ZSWIM6: variants seen among roughly 807,000 people sequenced by gnomAD.
The protein encoded by ZSWIM6 is zinc finger SWIM-type containing 6.
A neutral mutation model predicts 113.2 loss-of-function variants in ZSWIM6; 9 were observed. That is an observed-to-expected ratio of 0.08 (90% confidence interval 0.05 to 0.14). The LOEUF (loss-of-function observed/expected upper bound fraction) is 0.14, where lower values mean the gene tolerates loss of function less well. Among genes scored for constraint, ZSWIM6 ranks in the 10% least tolerant of loss-of-function variants. The probability of loss-of-function intolerance (pLI) is 1.00; values close to 1 mark genes in which losing one functional copy is unlikely to be tolerated. For synonymous variants in ZSWIM6, 611 were observed against 606.5 expected (o/e 1.01, Z -0.11); for missense variants, 1,162 against 1,552.2 (o/e 0.75, Z 4.22).
intron 1 of ZSWIM6, chr5:61,375,445 T>G: frequency 6.5e-7 from 1 of 1,529,950 alleles, no homozygotes; most frequent in Non-Finnish European, 8.9e-7. Context: ...TTCATCAAGC[T>G]CTGATTCTTC....
At chr5:61,506,461 T>C (rs1454697820) in intron 4 of ZSWIM6, among the ~76,000 whole-genome samples, 1 of 151,852 alleles carries the variant, frequency 6.6e-6, no homozygotes, top group Non-Finnish European at 1.5e-5. Flanking sequence ...CGCACACTTG[T>C]AATCCCGGCT....
At chr5:61,338,900 T>C (rs1385227560) in intron 1 of ZSWIM6, among the ~76,000 whole-genome samples, 1 of 152,220 alleles carries the variant, frequency 6.6e-6, no homozygotes, top group Non-Finnish European at 1.5e-5. Context: ...GAACATGTCC[T>C]TTAATAGAAT....
At chr5:61,530,769 C>T (rs1387331520) in intron 8 of ZSWIM6, among the ~76,000 whole-genome samples, 2 of 152,152 alleles carry the variant, frequency 1.3e-5, no homozygotes, top group South Asian at 2.1e-4. Context: ...CAGGGAGTAA[C>T]GATGTCCCTT....
intron 1 of ZSWIM6, among the ~76,000 whole-genome samples, chr5:61,443,300 AATAATC>A (rs1746876089): frequency 6.6e-6 from 1 of 152,234 alleles, no homozygotes; most frequent in African/African-American, 2.4e-5. Flanking sequence ...AATTTAGCAT[AATAATC>A]ATAATCATTA....
chr5:61,381,856 G>A (rs1272198808), intron 1 of ZSWIM6, among the ~76,000 whole-genome samples: 2 of 152,114 alleles, frequency 1.3e-5, no homozygotes, highest in African/African-American at 2.4e-5. Context: ...AATACAATCC[G>A]TTCAAAACAA....
chr5:61,479,223 C>T (rs1747793632), intron 2 of ZSWIM6, among the ~76,000 whole-genome samples: 1 of 151,014 alleles, frequency 6.6e-6, no homozygotes, highest in Non-Finnish European at 1.5e-5. Flanking sequence ...TGATCATGTA[C>T]AGGGGATCCT....
intron 1 of ZSWIM6, among the ~76,000 whole-genome samples, chr5:61,416,247 C>T (rs527837686): frequency 6.6e-6 from 1 of 152,300 alleles, no homozygotes; most frequent in African/African-American, 2.4e-5. Flanking sequence ...CTCACCAAGG[C>T]CCTGTTAAGA....
intron 4 of ZSWIM6, among the ~76,000 whole-genome samples, chr5:61,496,471 G>T (rs1748317719): frequency 6.6e-6 from 1 of 152,114 alleles, no homozygotes; most frequent in Admixed American, 6.6e-5. Flanking sequence ...TAAAATGGGG[G>T]AATTTGACTT....
chr5:61,361,668 G>T (rs1178924968), intron 1 of ZSWIM6, among the ~76,000 whole-genome samples: 1 of 152,174 alleles, frequency 6.6e-6, no homozygotes, highest in Non-Finnish European at 1.5e-5. Context: ...CTCCAACTGA[G>T]GCTGCTGCCC....
chr5:61,506,649 A>G (rs1289997864), intron 4 of ZSWIM6, among the ~76,000 whole-genome samples: 1 of 152,224 alleles, frequency 6.6e-6, no homozygotes, highest in East Asian at 1.9e-4. Context: ...ACTGAGAACA[A>G]TACTATAATT....
intron 1 of ZSWIM6, among the ~76,000 whole-genome samples, chr5:61,335,862 A>G (rs1326770159): frequency 6.6e-6 from 1 of 152,254 alleles, no homozygotes; most frequent in Non-Finnish European, 1.5e-5. Flanking sequence ...GGAAAAAAAT[A>G]AACCTTTGTT....
At chr5:61,515,045 A>G (rs1169108270) in intron 4 of ZSWIM6, among the ~76,000 whole-genome samples, 1 of 152,304 alleles carries the variant, frequency 6.6e-6, no homozygotes, top group Non-Finnish European at 1.5e-5. Flanking sequence ...TTAATTTACA[A>G]CCATTTAGAT....
rs1749830882 is a variant in ZSWIM6 at position 61,544,420 on chromosome 5, C to T, written c.*103C>T. The T allele has an allele frequency of 9.2e-6, 7 of 756,870 alleles. No individual in the cohort carries two copies. In the Admixed American group the frequency reaches 1.3e-4, roughly 14 times the overall value. The allele number at this position is 756,870 out of a possible 1,614,324, so 46.9% of individuals were successfully genotyped here. A position where few individuals can be genotyped will look rare whatever the true frequency, so the allele number is the denominator to read the frequency against. ...TTTTAACTTAAAGAACAGAGCCACACCGGTATTATATGTGTATAGTTATAT... is the reference window on the plus strand; with the variant it reads ...TTTTAACTTAAAGAACAGAGCCACATCGGTATTATATGTGTATAGTTATAT... On this transcript the variant is annotated 3_prime_UTR_variant, in exon 14 of 14. Transcript: ENST00000252744.
At chr5:61,510,993 T>G (rs996471686) in intron 4 of ZSWIM6, among the ~76,000 whole-genome samples, 12 of 152,252 alleles carry the variant, frequency 7.9e-5, no homozygotes, top group African/African-American at 2.4e-4. Flanking sequence ...TCAGGCGTAT[T>G]GAAGGGAAAG....
intron 5 of ZSWIM6, among the ~76,000 whole-genome samples, chr5:61,524,183 G>A (rs1282777570): frequency 2.0e-5 from 3 of 152,164 alleles, no homozygotes; most frequent in African/African-American, 7.2e-5. Flanking sequence ...GAGAGGTCAC[G>A]GAACCAATTT....
intron 3 of ZSWIM6, among the ~76,000 whole-genome samples, chr5:61,492,174 A>G (rs1458654988): frequency 2.0e-5 from 3 of 152,082 alleles, no homozygotes; most frequent in Non-Finnish European, 4.4e-5. Flanking sequence ...TTGCTGTGTA[A>G]TAGGTTAGAA....
chr5:61,373,112 A>T (rs896571596), intron 1 of ZSWIM6, among the ~76,000 whole-genome samples: 3 of 152,062 alleles, frequency 2.0e-5, no homozygotes, highest in African/African-American at 7.2e-5. Context: ...CGTTTAAAAA[A>T]TTTTAAAAAA....
rs540194019 is a variant in ZSWIM6 at position 61,453,031 on chromosome 5, G to A, written c.677-19650G>A. On this transcript the variant is annotated intron_variant, in intron 1 of 13. Transcript: ENST00000252744. The stretch of plus-strand genomic sequence containing the variant: ...TTTGCAGGAATACCACAGAAGTGAT[G>A]GAGTGTACTTCTCATTGCATTGTAT... Among the ~76,000 whole-genome samples the A allele has an allele frequency of 7.2e-5, 11 of 152,252 alleles. No homozygotes were observed. In the South Asian group the frequency reaches 2.3e-3, roughly 32 times the overall value.
chr5:61,401,091 C>T (rs1448691844), intron 1 of ZSWIM6, among the ~76,000 whole-genome samples: 1 of 152,068 alleles, frequency 6.6e-6, no homozygotes, highest in African/African-American at 2.4e-5. Context: ...ATTTTCCCCC[C>T]GACAATTATT....
Sources: allele counts gnomAD v4.1 joint callset (sites outside exome capture counted in the v4.1 genomes callset), GRCh38; gene constraint gnomAD v4.1.1; transcripts MANE v1.5; gene names NCBI Gene and HGNC (gene_info 2026-07-23, HGNC 2026-07-21).